The following RLIM variants were observed in gnomAD, a reference collection of about 807,000 sequenced individuals.
The protein encoded by RLIM is ring finger protein, LIM domain interacting.
A neutral mutation model predicts 34.0 loss-of-function variants in RLIM; 2 were observed. That is an observed-to-expected ratio of 0.06 (90% CI 0.02 to 0.19). The LOEUF is 0.19. RLIM is among the 10% of genes least tolerant of loss of function. RLIM has a pLI of 1.00. For missense variants in RLIM, 286 were observed against 479.7 expected, an observed-to-expected ratio of 0.60 and a Z score of 3.77; for synonymous variants, 169 against 164.0, an observed-to-expected ratio of 1.03 and a Z score of -0.23.
At chrX:74,604,104 ACT>A (rs1234240844) in intron 1 of RLIM, among the ~76,000 whole-genome samples, 2 of 91,497 alleles carry the variant, frequency 2.2e-5, no homozygotes, top group Admixed American at 1.3e-4. Flanking sequence ...GACAGAGTAG[ACT>A]CTGTCTCAAA....
chrX:74,599,889 G>T (rs1182106525), intron 1 of RLIM, among the ~76,000 whole-genome samples: 1 of 110,910 alleles, frequency 9.0e-6, no homozygotes, highest in Non-Finnish European at 1.9e-5. Context: ...TGAAGTGCCG[G>T]AATGTTCACA....
At chrX:74,607,761 C>CA (rs1229536840) in intron 1 of RLIM, among the ~76,000 whole-genome samples, 1 of 111,626 alleles carries the variant, frequency 9.0e-6, no homozygotes. Flanking sequence ...ACAAAAAAAA[C>CA]AAAAAAGAAC....
rs945753664 is a variant in RLIM at position 74,584,081 on chromosome X, T to C, written c.*7359A>G. On this transcript the variant is annotated 3_prime_UTR_variant, in exon 4 of 4. Transcript: ENST00000332687. ...AAAATAAACAAAAACCAATTTGGCC[T>C]TTTTTTTTCTTGGCAAACCAGCCAA... Among the ~76,000 whole-genome samples the C allele has an allele frequency of 3.2e-4, 35 of 110,088 alleles. No homozygotes were observed. The highest frequency in any genetic ancestry group is 1.2e-3 in the African/African-American group (35 of 30,357).
chrX:74,594,122 G>A (rs766660965), intron 3 of RLIM, among the ~76,000 whole-genome samples, 184 bp downstream of exon 3: 1 of 111,961 alleles, frequency 8.9e-6, no homozygotes, highest in Non-Finnish European at 1.9e-5. Flanking sequence ...CATCTCAAAG[G>A]TGAGGTAGAA....
rs745915865 is a variant in RLIM at position 74,594,360 on chromosome X, G to T, written c.199C>A (p.Arg67=). 1 of 1,203,591 alleles carries T rather than the reference G, an allele frequency of 8.3e-7. No homozygotes were observed. The highest frequency in any genetic ancestry group is 1.1e-6 in the Non-Finnish European group (1 of 892,310). ...GGGCCTTCTTTAATTTGCTGTAGTC[G>T]TCTCAGCAACTCTTCCTCAGTACTT... ...GESTEEELLR[R]LQQIKEGPPP... Residue 67 remains arginine, a synonymous_variant, in exon 3 of 4, where the codon CGA becomes AGA. Coordinates refer to ENST00000332687, the MANE Select transcript of RLIM (RefSeq NM_016120.4).
At position 74,595,922 on chromosome X, in the gene RLIM, C is replaced by T. The variant is rs774855074; in HGVS notation, c.56G>A (p.Arg19His). The change falls in exon 2 of 4, where the codon CGC becomes CAC. Residue 19 changes from arginine to histidine, a missense_variant. Arg to His is a conservative substitution (Grantham distance 29, BLOSUM62 0). This residue lies in a region of RLIM where 62 missense variants were observed against 71.3 expected (regional missense o/e 0.87). Coordinates refer to ENST00000332687, the MANE Select transcript of RLIM (RefSeq NM_016120.4). ...ATCCAATCGGTCCATCTGACTTCTG[C>T]GCTGTGCTGCAGACTGATCACCACT... Reference protein sequence around the residue: ...KGSGDQSAAQRRSQMDRLDRE... With the variant: ...KGSGDQSAAQHRSQMDRLDRE... The T allele has an allele frequency of 8.3e-7, 1 of 1,207,335 alleles. No homozygotes were observed. The highest frequency in any genetic ancestry group is 1.1e-6 in the Non-Finnish European group (1 of 892,542).
intron 1 of RLIM, among the ~76,000 whole-genome samples, chrX:74,608,336 T>C (rs1190171439): frequency 1.8e-5 from 2 of 110,461 alleles, no homozygotes; most frequent in Non-Finnish European, 3.8e-5. Context: ...CATAAGCTTA[T>C]AAGCTCTGCT....
At chrX:74,614,061 A>G (rs909729419) in intron 1 of RLIM, among the ~76,000 whole-genome samples, 6 of 109,753 alleles carry the variant, frequency 5.5e-5, no homozygotes, top group Non-Finnish European at 5.7e-5. Context: ...CAGAGAACAG[A>G]GAAGAAAAAG....
In RLIM at chrX:74,583,079, T is replaced by G. The variant is rs1032754132; in HGVS notation, c.*8361A>C. 1 of 1,093,473 alleles carries G rather than the reference T, an allele frequency of 9.1e-7. No homozygotes were observed. The highest frequency in any genetic ancestry group is 1.3e-6 in the Non-Finnish European group (1 of 787,896). 90.1% of individuals were successfully genotyped at this position (1,093,473 alleles called of 1,213,427 possible). ...AGCACAAGTTTCTTTTCGTGGTCCC[T>G]GATCAATTTTAAACAGTTGGAACAC... is the stretch of plus-strand genomic sequence containing the variant. On this transcript the variant is annotated 3_prime_UTR_variant, in exon 4 of 4. Transcript: ENST00000332687.
At chrX:74,607,696 G>GA (rs1453941634) in intron 1 of RLIM, among the ~76,000 whole-genome samples, 1 of 112,362 alleles carries the variant, frequency 8.9e-6, no homozygotes, top group Non-Finnish European at 1.9e-5. Context: ...GTGACAGAGC[G>GA]AGACTCCGTC....
intron 1 of RLIM, among the ~76,000 whole-genome samples, chrX:74,610,871 C>G (rs2079707273): frequency 9.3e-6 from 1 of 107,904 alleles, no homozygotes; most frequent in Non-Finnish European, 1.9e-5. Flanking sequence ...GCCTGGGCGA[C>G]AGAGTGAGAC....
At chrX:74,594,629 T>A (rs2079631516) in intron 2 of RLIM, among the ~76,000 whole-genome samples, 1 of 111,964 alleles carries the variant, frequency 8.9e-6, no homozygotes, top group African/African-American at 3.2e-5. Context: ...CATCTAACTT[T>A]GGCTCACGCC....
rs962161801 is a variant in RLIM, at chrX:74,597,780, A to T, written c.-23-1780T>A. 2.7e-5 allele frequency among the ~76,000 whole-genome samples: 3 copies of T among 112,154 alleles called. No individual in the cohort carries two copies. The Admixed American group carries it at 2.8e-4, about 11-fold the overall frequency. Reference sequence around the variant, plus strand: ...CTTCTCTCTTATGAACTCTGGTTTAAGCTCAAGTTCCATGAATTTTTGTCA... The same window carrying T: ...CTTCTCTCTTATGAACTCTGGTTTATGCTCAAGTTCCATGAATTTTTGTCA... On this transcript the variant is annotated intron_variant, in intron 1 of 3. Transcript: ENST00000332687.
rs2079602211 is a variant in RLIM, at chrX:74,589,219, T to C, written c.*2221A>G. 9.0e-6 allele frequency: 1 copy of C among 111,361 alleles called. No homozygotes were observed. Among genetic ancestry groups the C allele is most frequent in the Admixed American group, 9.6e-5 (1 of 10,390 alleles). The allele number at this position is 111,361 out of a possible 1,213,427, so 9.2% of individuals were successfully genotyped here. A position where few individuals can be genotyped will look rare whatever the true frequency, so the allele number is the denominator to read the frequency against. On this transcript the variant is annotated 3_prime_UTR_variant, in exon 4 of 4. Coordinates refer to ENST00000332687, the MANE Select transcript of RLIM (RefSeq NM_016120.4). ...TGCTTAGAATGTGCTGCAATTGTTT[T>C]TAAACTATTTAAAATGAACACCCCT...
rs773567405 is a variant in RLIM at position 74,591,542 on chromosome X, C to T, written c.1773G>A (p.Glu591=). Residue 591 remains glutamate, a synonymous_variant, in exon 4 of 4, where the codon GAG becomes GAA. Coordinates refer to ENST00000332687, the MANE Select transcript of RLIM (RefSeq NM_016120.4). ...NKLRKLPCSH[E]YHVHCIDRWL... ...AGCGATCGATGCAGTGGACATGGTA[C>T]TCATGGGAACAAGGTAGTTTACGAA... The T allele has an allele frequency of 1.2e-5, 15 of 1,209,831 alleles. No homozygotes were observed. The Admixed American group carries it at 2.4e-4, about 19-fold the overall frequency.
At position 74,589,429 on chromosome X, in the gene RLIM, C is replaced by T. The variant is rs1364810064; in HGVS notation, c.*2011G>A. 1.8e-5 allele frequency: 2 copies of T among 111,230 alleles called. No individual in the cohort carries two copies. Among genetic ancestry groups the T allele is most frequent in the East Asian group, 2.8e-4 (1 of 3,552 alleles). 9.2% of individuals were successfully genotyped at this position (111,230 alleles called of 1,213,427 possible). The stretch of plus-strand genomic sequence containing the variant: ...AAAAAGATAAAATGTATTACATAAG[C>T]GCCATAAACAGTGAAATCTGCTTAT... On this transcript the variant is annotated 3_prime_UTR_variant, in exon 4 of 4. Transcript: ENST00000332687.
In RLIM at chrX:74,606,589, T is replaced by A. The variant is rs1236616099; in HGVS notation, c.-24+7833A>T. 4.5e-5 allele frequency among the ~76,000 whole-genome samples: 5 copies of A among 111,966 alleles called. No individual in the cohort carries two copies. In the Admixed American group the frequency reaches 4.8e-4, roughly 11 times the overall value. On this transcript the variant is annotated intron_variant, in intron 1 of 3. Coordinates refer to ENST00000332687, the MANE Select transcript of RLIM (RefSeq NM_016120.4). The stretch of plus-strand genomic sequence containing the variant: ...ATGCACACCAAACTTTTAAAAAATT[T>A]AATTGTTATAATGTTAAGGCAAAAA...
rs2079611900 is a variant in RLIM, at chrX:74,591,317, G to A, written c.*123C>T. 1 of 528,650 alleles carries A rather than the reference G, an allele frequency of 1.9e-6. No individual in the cohort carries two copies. The highest frequency in any genetic ancestry group is 2.3e-5 in the African/African-American group (1 of 42,703). The allele number at this position is 528,650 out of a possible 1,213,427, so 43.6% of individuals were successfully genotyped here. ...GAAAGGACAATGATTCCTTCAGAAA[G>A]CAATGACTCAATTCAGGTTGTTACT... On this transcript the variant is annotated 3_prime_UTR_variant, in exon 4 of 4. Coordinates refer to ENST00000332687, the MANE Select transcript of RLIM (RefSeq NM_016120.4).
At chrX:74,599,068 TTA>T (rs2079651123) in intron 1 of RLIM, among the ~76,000 whole-genome samples, 1 of 111,800 alleles carries the variant, frequency 8.9e-6, no homozygotes, top group African/African-American at 3.3e-5. Flanking sequence ...ATTTTGAGTT[TTA>T]TCAGGAAAAA....
Sources: allele counts gnomAD v4.1 joint callset (sites outside exome capture counted in the v4.1 genomes callset), GRCh38; gene constraint gnomAD v4.1.1; regional missense constraint gnomAD v4.1.1; transcripts MANE v1.5; gene names NCBI Gene and HGNC (gene_info 2026-07-23, HGNC 2026-07-21).